TNNI3K: variants seen among roughly 807,000 people sequenced by gnomAD.
TNNI3K encodes the protein serine/threonine-protein kinase TNNI3K.
Under a neutral mutation model 114.5 loss-of-function variants are expected in TNNI3K, and 140 were observed. That is an observed-to-expected ratio of 1.22 (90% CI 1.07 to 1.41). The LOEUF is 1.41. Among genes scored for constraint, TNNI3K ranks in the 40% most tolerant of loss-of-function variants. The probability of loss-of-function intolerance (pLI) is 0.00; values close to 1 mark genes in which losing one functional copy is unlikely to be tolerated. For synonymous variants in TNNI3K, 347 were observed against 347.5 expected (o/e 1.00, Z 0.02); for missense variants, 1,125 against 1,007.6 (o/e 1.12, Z -1.58).
chr1:74,543,755 G>T lies in TNNI3K; in HGVS notation c.2432-151G>T. ...GCTCTCTGTTTTCATTGTAAATGTT[G>T]CTTGTGCTTTGCAACTACTCACCAG... On this transcript the variant is annotated intron_variant, in intron 24 of 24. Transcript: ENST00000326637. 8 of 783,120 alleles carry T rather than the reference G, an allele frequency of 1.0e-5. No individual in the cohort carries two copies. The Middle Eastern group carries it at 1.8e-3, about 176-fold the overall frequency. The allele number at this position is 783,120 out of a possible 1,614,324, so 48.5% of individuals were successfully genotyped here. A position where few individuals can be genotyped will look rare whatever the true frequency, so the allele number is the denominator to read the frequency against.
At chr1:74,495,124 C>T (rs1409305715) in intron 23 of TNNI3K, among the ~76,000 whole-genome samples, 3 of 152,132 alleles carry the variant, frequency 2.0e-5, no homozygotes, top group Non-Finnish European at 4.4e-5. Flanking sequence ...AGCCTTCTGG[C>T]CCTTCCTGAC....
intron 17 of TNNI3K, among the ~76,000 whole-genome samples, chr1:74,393,410 C>T (rs145033254): frequency 5.6e-4 from 85 of 152,192 alleles, no homozygotes; most frequent in African/African-American, 2.0e-3. Flanking sequence ...GAACATCTAT[C>T]AAAAGAACGT....
intron 21 of TNNI3K, chr1:74,480,921 A>G (rs568151103): frequency 1.4e-6 from 1 of 717,304 alleles, no homozygotes; most frequent in Admixed American, 2.0e-5. Context: ...TCAATAGAGG[A>G]GAGATATCCA....
intron 2 of TNNI3K, among the ~76,000 whole-genome samples, chr1:74,237,172 A>C (rs1374714383): frequency 2.0e-5 from 3 of 151,958 alleles, no homozygotes; most frequent in African/African-American, 7.2e-5. Flanking sequence ...ACAAGTGTTC[A>C]ACTTATGGTT....
intron 5 of TNNI3K, among the ~76,000 whole-genome samples, chr1:74,291,754 TA>T (rs1657689978): frequency 6.6e-6 from 1 of 151,534 alleles, no homozygotes; most frequent in African/African-American, 2.4e-5. Flanking sequence ...AAAGATATTT[TA>T]AATTATTATC....
chr1:74,335,055 C>T (rs1305403650), intron 6 of TNNI3K, among the ~76,000 whole-genome samples: 3 of 152,152 alleles, frequency 2.0e-5, no homozygotes, highest in African/African-American at 4.8e-5. Flanking sequence ...AAATGGTAAA[C>T]AACATTGTCT....
At chr1:74,320,806 A>T (rs760973901) in intron 5 of TNNI3K, among the ~76,000 whole-genome samples, 1 of 152,192 alleles carries the variant, frequency 6.6e-6, no homozygotes, top group Non-Finnish European at 1.5e-5. Context: ...TTTCAAGTAG[A>T]GGCAAATCAC....
intron 24 of TNNI3K, 107 bp downstream of exon 24, chr1:74,540,420 C>T: frequency 2.0e-6 from 2 of 1,010,938 alleles, no homozygotes; most frequent in East Asian, 2.7e-5. Flanking sequence ...TCCAAAATGA[C>T]AGATGCTTTA....
intron 23 of TNNI3K, among the ~76,000 whole-genome samples, chr1:74,514,066 G>T (rs1646310535): frequency 6.6e-6 from 1 of 152,136 alleles, no homozygotes; most frequent in African/African-American, 2.4e-5. Flanking sequence ...TCAATTCAAA[G>T]GCTATTCGAA....
chr1:74,271,066 C>T (rs12072367), intron 4 of TNNI3K, among the ~76,000 whole-genome samples: 5,349 of 126,456 alleles, frequency 0.042, 290 homozygotes, highest in African/African-American at 0.15. Context: ...ATTAATTGTG[C>T]CTAGATTTAA....
At chr1:74,406,943 A>G (rs1047541343) in intron 17 of TNNI3K, among the ~76,000 whole-genome samples, 2 of 152,316 alleles carry the variant, frequency 1.3e-5, no homozygotes, top group South Asian at 2.1e-4. Context: ...TTTCTTCCTT[A>G]TCCTCTTCTG....
At chr1:74,514,068 C>A (rs897053229) in intron 23 of TNNI3K, among the ~76,000 whole-genome samples, 1 of 152,140 alleles carries the variant, frequency 6.6e-6, no homozygotes, top group Non-Finnish European at 1.5e-5. Context: ...AATTCAAAGG[C>A]TATTCGAAGT....
chr1:74,540,196 T>TCAC, intron 23 of TNNI3K, 38 bp from the exon 24 acceptor site: 2 of 1,602,332 alleles, frequency 1.2e-6, no homozygotes, highest in Non-Finnish European at 1.7e-6. Context: ...TATTATCAGA[T>TCAC]CACCATACTG....
intron 17 of TNNI3K, among the ~76,000 whole-genome samples, chr1:74,427,558 T>A (rs902581437): frequency 1.3e-5 from 2 of 152,066 alleles, no homozygotes; most frequent in Non-Finnish European, 2.9e-5. Flanking sequence ...TTAGTCCTTA[T>A]GAAGAAAAAT....
chr1:74,358,915 T>C (rs1661803664), intron 11 of TNNI3K, among the ~76,000 whole-genome samples: 1 of 151,996 alleles, frequency 6.6e-6, no homozygotes, highest in African/African-American at 2.4e-5. Context: ...ATTCATTGAG[T>C]ATCTTTTACA....
intron 4 of TNNI3K, among the ~76,000 whole-genome samples, chr1:74,252,970 C>G (rs901632308): frequency 6.6e-6 from 1 of 152,060 alleles, no homozygotes; most frequent in African/African-American, 2.4e-5. Flanking sequence ...GCTGACTGGT[C>G]CATTTTACAG....
intron 23 of TNNI3K, among the ~76,000 whole-genome samples, chr1:74,534,138 A>G (rs1646629845): frequency 6.6e-6 from 1 of 152,082 alleles, no homozygotes; most frequent in Non-Finnish European, 1.5e-5. Flanking sequence ...AGTATAAGCA[A>G]TTATTATTAT....
intron 17 of TNNI3K, chr1:74,374,226 A>G (rs2100532416): frequency 6.6e-6 from 1 of 152,036 alleles, no homozygotes; most frequent in East Asian, 1.9e-4. Flanking sequence ...GGCCAACTAT[A>G]TATACTAAGG....
At chr1:74,453,162 T>G (rs2100702308) in intron 20 of TNNI3K, among the ~76,000 whole-genome samples, 1 of 152,320 alleles carries the variant, frequency 6.6e-6, no homozygotes, top group South Asian at 2.1e-4. Context: ...TTTTAGTTCA[T>G]GGACCCCAGA....
Sources: gnomAD v4.1 joint callset for allele counts (sites outside exome capture counted in the v4.1 genomes callset) on GRCh38, gnomAD v4.1.1 for gene constraint, MANE v1.5 for transcripts, NCBI Gene and HGNC (gene_info 2026-07-23, HGNC 2026-07-21) for gene names.